ARSK: variants seen among roughly 807,000 people sequenced by gnomAD.
ARSK encodes arylsulfatase family member K.
Under a neutral mutation model 53.2 loss-of-function variants are expected in ARSK, and 37 were observed. That is an observed-to-expected ratio of 0.70 (90% CI 0.54 to 0.92). The LOEUF is 0.92. Among genes scored for constraint, ARSK ranks in the 40% least tolerant of loss-of-function variants. The pLI is 0.00. For synonymous variants in ARSK, 208 were observed against 223.2 expected, an observed-to-expected ratio of 0.93 and a Z score of 0.61; for missense variants, 613 against 643.0, an observed-to-expected ratio of 0.95 and a Z score of 0.51.
intron 6 of ARSK, among the ~76,000 whole-genome samples, chr5:95,593,399 G>C (rs1749249767): frequency 6.6e-6 from 1 of 152,132 alleles, no homozygotes; most frequent in Non-Finnish European, 1.5e-5. Context: ...TGTCTACAGT[G>C]AGCCCTATTC....
rs150645269 is a variant in ARSK, at chr5:95,556,206, A to G, written c.126+802A>G. ...TCATATGTTGTATTTCCTTTCTCGTAGATTCCTGATGATTAAAATTACATA... is the reference window on the plus strand; with the variant it reads ...TCATATGTTGTATTTCCTTTCTCGTGGATTCCTGATGATTAAAATTACATA... On this transcript the variant is annotated intron_variant, in intron 1 of 7. Transcript: ENST00000380009. The G allele has an allele frequency of 7.8e-3, 5,498 of 702,364 alleles. 70 individuals carry two copies. The highest frequency in any genetic ancestry group is 0.035 in the South Asian group (2,384 of 67,510). The allele number at this position is 702,364 out of a possible 1,614,324, so 43.5% of individuals were successfully genotyped here. A position where few individuals can be genotyped will look rare whatever the true frequency, so the allele number is the denominator to read the frequency against.
intron 3 of ARSK, among the ~76,000 whole-genome samples, chr5:95,579,412 G>T (rs1748984497): frequency 6.6e-6 from 1 of 152,212 alleles, no homozygotes; most frequent in South Asian, 2.1e-4. Context: ...GCAGGCAAAA[G>T]AGAATGAAAA....
chr5:95,601,491 A>T (rs1749401047), intron 7 of ARSK, among the ~76,000 whole-genome samples: 1 of 152,210 alleles, frequency 6.6e-6, no homozygotes, highest in East Asian at 1.9e-4. Context: ...TTTACAGAGG[A>T]GTCTATGAGA....
intron 1 of ARSK, among the ~76,000 whole-genome samples, chr5:95,558,389 CAG>C (rs1467373649): frequency 1.3e-5 from 2 of 152,022 alleles, no homozygotes; most frequent in East Asian, 3.9e-4. Context: ...ATTAAAGAAA[CAG>C]AGGATGGAAA....
intron 3 of ARSK, among the ~76,000 whole-genome samples, chr5:95,578,372 G>A (rs1378296392): frequency 6.8e-6 from 1 of 146,358 alleles, no homozygotes; most frequent in African/African-American, 2.5e-5. Flanking sequence ...TGCCCTGACT[G>A]GTCTCAAACT....
At chr5:95,597,251 A>G (rs938687283) in intron 6 of ARSK, among the ~76,000 whole-genome samples, 8 of 152,198 alleles carry the variant, frequency 5.3e-5, no homozygotes, top group Non-Finnish European at 2.9e-5. Flanking sequence ...CACTTAAAAG[A>G]TAAGTCTAGA....
rs868469798 is a variant in ARSK, at chr5:95,591,451, G to A, written c.922G>A (p.Val308Ile). The change falls in exon 6 of 8, where the codon GTC becomes ATC. Residue 308 changes from valine to isoleucine, a missense_variant. Physicochemically the swap from Val to Ile is conservative, Grantham distance 29. Transcript: ENST00000380009. ...ATTAGATCTTCTTCAGAAAACTATT[G>A]TCATATACTCCTCAGACCATGGAGA... Reference protein sequence around the residue: ...HQLDLLQKTIVIYSSDHGELA... With the variant: ...HQLDLLQKTIIIYSSDHGELA... The A allele has an allele frequency of 6.2e-7, 1 of 1,614,002 alleles. No homozygotes were observed. The highest frequency in any genetic ancestry group is 8.5e-7 in the Non-Finnish European group (1 of 1,179,946).
At chr5:95,581,307 ATG>A (rs1749017665) in intron 3 of ARSK, among the ~76,000 whole-genome samples, 1 of 152,252 alleles carries the variant, frequency 6.6e-6, no homozygotes, top group South Asian at 2.1e-4. Flanking sequence ...GAAAGGTTAA[ATG>A]ATGTCACACT....
In ARSK at chr5:95,603,340, A is replaced by T; in HGVS notation, c.1425A>T (p.Lys475Asn). ...TTCATTCCATTATAAACTACCCTAA[A>T]GTTTCTGCTTCTGTCCACCAGTATA... ...QKLHSIINYP[K>N]VSASVHQYNK... Residue 475 changes from lysine (K) to asparagine (N), a missense_variant, in exon 8 of 8, where the codon AAA (lysine) becomes AAT (asparagine). Transcript: ENST00000380009. The T allele has an allele frequency of 6.2e-7, 1 of 1,612,924 alleles. No homozygotes were observed. The highest frequency in any genetic ancestry group is 8.5e-7 in the Non-Finnish European group (1 of 1,179,368).
At chr5:95,594,356 A>G (rs1749266824) in intron 6 of ARSK, among the ~76,000 whole-genome samples, 1 of 152,222 alleles carries the variant, frequency 6.6e-6, no homozygotes, top group African/African-American at 2.4e-5. Context: ...ATCTGTAAGA[A>G]AAAGAGGAAT....
At chr5:95,586,834 T>C in intron 5 of ARSK, 101 bp downstream of exon 5, 1 of 1,021,116 alleles carries the variant, frequency 9.8e-7, no homozygotes, top group Non-Finnish European at 1.4e-6. Flanking sequence ...CAAAGTTGCT[T>C]ATAACTATAG....
chr5:95,555,418 G>C lies in ARSK; in HGVS notation c.126+14G>C. On this transcript the variant is annotated intron_variant, in intron 1 of 7. Transcript: ENST00000380009. This position sits in a 1 kb window ranked among gnomAD's most constrained non-coding sequence, Gnocchi z 4.0. ...AGCGACTCCTTCGTAAGTACCGCGA[G>C]GCAGGGGAGGGGCGCCCCGCTGGGG... 6.3e-7 allele frequency: 1 copy of C among 1,593,130 alleles called. No homozygotes were observed. The highest frequency in any genetic ancestry group is 8.6e-7 in the Non-Finnish European group (1 of 1,167,670).
At chr5:95,573,178 T>C (rs951890013) in intron 3 of ARSK, among the ~76,000 whole-genome samples, 2 of 152,222 alleles carry the variant, frequency 1.3e-5, no homozygotes, top group African/African-American at 4.8e-5. Flanking sequence ...TTAAATATTG[T>C]TTATTCTTTC....
chr5:95,564,103 G>A (rs544447651), intron 1 of ARSK, among the ~76,000 whole-genome samples: 1 of 149,970 alleles, frequency 6.7e-6, no homozygotes, highest in East Asian at 2.0e-4. Context: ...TCAGCCTCCC[G>A]AGTAGCTGGG....
intron 1 of ARSK, among the ~76,000 whole-genome samples, chr5:95,563,493 T>C (rs1218573678): frequency 6.6e-6 from 1 of 152,212 alleles, no homozygotes; most frequent in African/African-American, 2.4e-5. Context: ...TTGGGAACTT[T>C]CCCACATGAC....
chr5:95,572,953 A>G (rs1227462755), intron 3 of ARSK, among the ~76,000 whole-genome samples: 1 of 152,146 alleles, frequency 6.6e-6, no homozygotes, highest in Admixed American at 6.5e-5. Context: ...TTTTTGGTTG[A>G]TAACACCGGG....
At chr5:95,561,011 G>A (rs559298854) in intron 1 of ARSK, among the ~76,000 whole-genome samples, 7 of 152,048 alleles carry the variant, frequency 4.6e-5, no homozygotes, top group South Asian at 2.1e-4. Context: ...GGGTTTCACC[G>A]TATTAGCCAG....
rs62365059 is a variant in ARSK, at chr5:95,556,624, A to G, written c.126+1220A>G. On this transcript the variant is annotated intron_variant, in intron 1 of 7. Transcript: ENST00000380009. Reference sequence around the variant, plus strand: ...ATCCGAATGTGGATCACAACATCCCAGAAACTTCCAAAGATGACTGAGATA... The same window carrying G: ...ATCCGAATGTGGATCACAACATCCCGGAAACTTCCAAAGATGACTGAGATA... The G allele has an allele frequency of 3.2e-3, 589 of 182,370 alleles. 1 individual carries two copies. Among genetic ancestry groups the G allele is most frequent in the Middle Eastern group, 4.6e-3 (2 of 438 alleles). The allele number at this position is 182,370 out of a possible 1,614,324, so 11.3% of individuals were successfully genotyped here.
At chr5:95,591,144 G>A (rs190336262) in intron 5 of ARSK, among the ~76,000 whole-genome samples, 5 of 152,178 alleles carry the variant, frequency 3.3e-5, no homozygotes, top group South Asian at 4.1e-4. Context: ...AAAACAAGCC[G>A]GCATGATCTC....
Sources: gnomAD v4.1 joint callset for allele counts (sites outside exome capture counted in the v4.1 genomes callset) on GRCh38, gnomAD v4.1.1 for gene constraint, Gnocchi (gnomAD v3.1) non-coding constraint, MANE v1.5 for transcripts, NCBI Gene and HGNC (gene_info 2026-07-23, HGNC 2026-07-21) for gene names.